Variants in POU6F2 observed in about 807,000 individuals in gnomAD.
POU6F2 encodes the protein POU domain, class 6, transcription factor 2.
In POU6F2, 31 loss-of-function variants were observed where a neutral mutation model predicts 71.3. The ratio of observed to expected loss-of-function variants is 0.43; its 90% CI spans 0.33 to 0.59. The LOEUF (loss-of-function observed/expected upper bound fraction) is 0.59. Among genes scored for constraint, POU6F2 ranks in the 20% least tolerant of loss-of-function variants. POU6F2 has a pLI of 0.04. For synonymous variants in POU6F2, 347 were observed against 355.7 expected (o/e 0.98, Z 0.27); for missense variants, 783 against 856.8 (o/e 0.91, Z 1.07).
chr7:39,293,469 C>T (rs896166451), intron 4 of POU6F2, among the ~76,000 whole-genome samples: 1 of 152,060 alleles, frequency 6.6e-6, no homozygotes, highest in Admixed American at 6.6e-5. Context: ...GTCGTTACTC[C>T]CCTTGAATTT....
At chr7:39,154,379 A>G (rs897919643) in intron 2 of POU6F2, among the ~76,000 whole-genome samples, 1 of 152,222 alleles carries the variant, frequency 6.6e-6, no homozygotes, top group African/African-American at 2.4e-5. Flanking sequence ...TAAGGCATTT[A>G]TAGAATTAAA....
intron 1 of POU6F2, among the ~76,000 whole-genome samples, chr7:38,989,176 C>A (rs927943121): frequency 2.0e-5 from 3 of 152,072 alleles, no homozygotes; most frequent in Non-Finnish European, 4.4e-5. Context: ...CCCAATCCTC[C>A]ATGAGCTATG....
intron 6 of POU6F2, among the ~76,000 whole-genome samples, chr7:39,423,694 A>G (rs1787906062): frequency 1.3e-5 from 2 of 152,218 alleles, no homozygotes; most frequent in Non-Finnish European, 2.9e-5. Context: ...TATGTTAACC[A>G]TAAGCAATAC....
chr7:39,004,812 G>A (rs1789012077), intron 1 of POU6F2, among the ~76,000 whole-genome samples: 1 of 152,174 alleles, frequency 6.6e-6, no homozygotes, highest in East Asian at 1.9e-4. Flanking sequence ...TCCGGGCCCT[G>A]CAAGAGATCC....
chr7:38,998,606 G>T (rs1215131035), intron 1 of POU6F2, among the ~76,000 whole-genome samples: 1 of 151,610 alleles, frequency 6.6e-6, no homozygotes, highest in Non-Finnish European at 1.5e-5. Context: ...AATGCAAGGA[G>T]AATTTTAGGA....
At chr7:39,269,253 G>A (rs1207053850) in intron 4 of POU6F2, among the ~76,000 whole-genome samples, 1 of 152,180 alleles carries the variant, frequency 6.6e-6, no homozygotes, top group African/African-American at 2.4e-5. Flanking sequence ...AAGGTTTCAG[G>A]CTGGCGCACA....
At chr7:39,217,025 A>T (rs750428003) in intron 4 of POU6F2, among the ~76,000 whole-genome samples, 12 of 152,140 alleles carry the variant, frequency 7.9e-5, no homozygotes, top group Admixed American at 1.3e-4. Flanking sequence ...GACAATGAGA[A>T]ATTCTTATAT....
chr7:39,108,438 A>G (rs865822987), intron 2 of POU6F2, among the ~76,000 whole-genome samples: 7 of 152,160 alleles, frequency 4.6e-5, no homozygotes, highest in Middle Eastern at 3.4e-3. Context: ...GCTCATGGCA[A>G]TGGCTCCCAC....
At chr7:39,276,236 G>C (rs965788475) in intron 4 of POU6F2, among the ~76,000 whole-genome samples, 3 of 151,890 alleles carry the variant, frequency 2.0e-5, no homozygotes, top group African/African-American at 4.8e-5. Context: ...CAAAAAGTGG[G>C]CAAAGGATAT....
intron 1 of POU6F2, among the ~76,000 whole-genome samples, chr7:39,049,791 C>A (rs568621648): frequency 6.6e-6 from 1 of 151,974 alleles, no homozygotes; most frequent in East Asian, 1.9e-4. Flanking sequence ...ATTTTTTGGA[C>A]TATTGTCATA....
chr7:39,254,389 T>G (rs1321907365), intron 4 of POU6F2, among the ~76,000 whole-genome samples: 1 of 152,182 alleles, frequency 6.6e-6, no homozygotes, highest in Non-Finnish European at 1.5e-5. Context: ...CACTCCTGTT[T>G]CCATGCTAGT....
chr7:39,015,883 AT>A (rs1562670824), intron 1 of POU6F2, among the ~76,000 whole-genome samples: 6 of 43,984 alleles, frequency 1.4e-4, no homozygotes, highest in Non-Finnish European at 2.1e-4. Context: ...ATAGATATAT[AT>A]TATATATTAT....
intron 1 of POU6F2, among the ~76,000 whole-genome samples, chr7:39,012,417 A>G (rs933363985): frequency 7.4e-5 from 11 of 148,840 alleles, no homozygotes; most frequent in Admixed American, 6.0e-4. Flanking sequence ...TTCTAGTTAT[A>G]CATTCTTCTA....
intron 2 of POU6F2, among the ~76,000 whole-genome samples, chr7:39,150,168 G>A (rs1188980016): frequency 6.6e-6 from 1 of 151,786 alleles, no homozygotes; most frequent in Non-Finnish European, 1.5e-5. Flanking sequence ...TGAGATTACA[G>A]GCGTAAGCCA....
rs1013966853 is a variant in POU6F2 at position 39,179,522 on chromosome 7, C to T, written c.278-24713C>T. The stretch of plus-strand genomic sequence containing the variant: ...ATGCATGGGACTGAGACCGCACGCG[C>T]GCACATGCGCGCACACACACACACA... On this transcript the variant is annotated intron_variant, in intron 2 of 9. Transcript: ENST00000518318. Among the ~76,000 whole-genome samples, 18 of 152,046 alleles carry T rather than the reference C, an allele frequency of 1.2e-4. No homozygotes were observed. The South Asian group carries it at 1.7e-3, about 14-fold the overall frequency.
intron 1 of POU6F2, among the ~76,000 whole-genome samples, chr7:39,084,443 G>A (rs576116571): frequency 2.6e-5 from 4 of 152,254 alleles, no homozygotes; most frequent in African/African-American, 4.8e-5. Context: ...GGGAGGATTC[G>A]GCTCAGCTAA....
intron 1 of POU6F2, among the ~76,000 whole-genome samples, chr7:38,979,371 C>G (rs1188057456): frequency 1.3e-5 from 2 of 152,250 alleles, no homozygotes; most frequent in Admixed American, 1.3e-4. Context: ...TTTATTAATA[C>G]CAGCATGCTT....
At chr7:39,445,436 G>A (rs908873004) in intron 7 of POU6F2, among the ~76,000 whole-genome samples, 2 of 152,190 alleles carry the variant, frequency 1.3e-5, no homozygotes, top group African/African-American at 4.8e-5. Flanking sequence ...GGCTGATGCA[G>A]TTCATTCATA....
intron 1 of POU6F2, among the ~76,000 whole-genome samples, chr7:39,018,165 A>G (rs893508076): frequency 6.6e-6 from 1 of 152,202 alleles, no homozygotes; most frequent in African/African-American, 2.4e-5. Flanking sequence ...GCTCACAGAA[A>G]TCTAGGGATA....
Sources: gnomAD v4.1 joint callset for allele counts (sites outside exome capture counted in the v4.1 genomes callset) on GRCh38, gnomAD v4.1.1 for gene constraint, MANE v1.5 for transcripts, NCBI Gene and HGNC (gene_info 2026-07-23, HGNC 2026-07-21) for gene names.